The following AGTR1 variants were observed in gnomAD, a reference collection of about 807,000 sequenced individuals.
AGTR1 encodes the protein angiotensin II receptor type 1.
In AGTR1, 16 loss-of-function variants were observed where a neutral mutation model predicts 19.4. The observed-to-expected ratio is 0.82, with a 90% confidence interval of 0.56 to 1.25. The LOEUF (loss-of-function observed/expected upper bound fraction) is 1.25. Among genes scored for constraint, AGTR1 ranks in the 50% most tolerant of loss-of-function variants. The probability of loss-of-function intolerance (pLI) is 0.00; values close to 1 mark genes in which losing one functional copy is unlikely to be tolerated. For synonymous variants in AGTR1, 153 were observed against 154.9 expected (o/e 0.99, Z 0.09); for missense variants, 373 against 431.9 (o/e 0.86, Z 1.21).
At chr3:148,738,045 T>C (rs1163751614) in intron 2 of AGTR1, among the ~76,000 whole-genome samples, 2 of 152,148 alleles carry the variant, frequency 1.3e-5, no homozygotes, top group African/African-American at 4.8e-5. Context: ...CCACAGAAAT[T>C]GTATTATGAA....
chr3:148,706,037 T>C (rs1310653915), intron 1 of AGTR1, among the ~76,000 whole-genome samples: 2 of 152,022 alleles, frequency 1.3e-5, no homozygotes, highest in African/African-American at 4.8e-5. Context: ...TCTTTCTTTC[T>C]TTTGTATGTA....
intron 2 of AGTR1, among the ~76,000 whole-genome samples, chr3:148,715,439 CAAGGAA>C (rs1713242152): frequency 6.6e-6 from 1 of 152,078 alleles, no homozygotes; most frequent in Non-Finnish European, 1.5e-5. Context: ...AGATGGGAGC[CAAGGAA>C]AAGACAAGCA....
intron 2 of AGTR1, among the ~76,000 whole-genome samples, chr3:148,738,267 A>G (rs1177557803): frequency 1.3e-5 from 2 of 152,062 alleles, no homozygotes; most frequent in Admixed American, 1.3e-4. Flanking sequence ...CTTATTCCCA[A>G]GCTGAACCAA....
chr3:148,709,266 A>G (rs891075837), intron 2 of AGTR1, among the ~76,000 whole-genome samples: 1 of 152,152 alleles, frequency 6.6e-6, no homozygotes, highest in Admixed American at 6.6e-5. Context: ...TTACATCTTA[A>G]AAGTATTGAA....
At chr3:148,720,982 T>C (rs543616333) in intron 2 of AGTR1, among the ~76,000 whole-genome samples, 3 of 152,236 alleles carry the variant, frequency 2.0e-5, no homozygotes, top group Non-Finnish European at 4.4e-5. Flanking sequence ...TTGGTGGTGC[T>C]ATAATCCTGT....
chr3:148,701,613 A>G (rs1712345618), intron 1 of AGTR1, among the ~76,000 whole-genome samples: 1 of 152,198 alleles, frequency 6.6e-6, no homozygotes, highest in African/African-American at 2.4e-5. Flanking sequence ...TCTCTCAGTG[A>G]TTATCAGTCT....
In AGTR1 at chr3:148,706,251, G is replaced by A. The variant is rs1425567453; in HGVS notation, c.-131-1693G>A. ...GTGGTACACTAGTGTCTCACAAAGA[G>A]TCCACAGAATTCACACGGTCATGAT... On this transcript the variant is annotated intron_variant, in intron 1 of 2. Transcript: ENST00000349243. Among the ~76,000 whole-genome samples, 3 of 151,862 alleles carry A rather than the reference G, an allele frequency of 2.0e-5. No individual in the cohort carries two copies. The East Asian group carries it at 5.8e-4, about 29-fold the overall frequency.
At chr3:148,727,952 G>T (rs62276482) in intron 2 of AGTR1, among the ~76,000 whole-genome samples, 36 of 152,176 alleles carry the variant, frequency 2.4e-4, no homozygotes, top group African/African-American at 8.4e-4. Flanking sequence ...ACTGTCCCAC[G>T]CATTGTAAAA....
rs776269256 is a variant in AGTR1 at position 148,741,727 on chromosome 3, A to C, written c.692A>C (p.Asn231Thr). 1.9e-6 allele frequency: 3 copies of C among 1,613,926 alleles called. No individual in the cohort carries two copies. The highest frequency in any genetic ancestry group is 2.5e-6 in the Non-Finnish European group (3 of 1,180,000). Residue 231 changes from asparagine (N) to threonine (T), a missense_variant, in exon 3 of 3, where the codon AAC becomes ACC. Coordinates refer to ENST00000349243, the MANE Select transcript of AGTR1 (RefSeq NM_000685.5). ...AAGAAGGCTTATGAAATTCAGAAGAACAAACCAAGAAATGATGATATTTTT... is the reference window on the plus strand; with the variant it reads ...AAGAAGGCTTATGAAATTCAGAAGACCAAACCAAGAAATGATGATATTTTT... ...ALKKAYEIQK[N>T]KPRNDDIFKI...
chr3:148,712,240 T>A (rs146592088), intron 2 of AGTR1, among the ~76,000 whole-genome samples: 273 of 152,220 alleles, frequency 1.8e-3, no homozygotes, highest in African/African-American at 5.9e-3. Flanking sequence ...CCCAGAAAGA[T>A]CTAGTATATC....
intron 1 of AGTR1, among the ~76,000 whole-genome samples, chr3:148,703,030 G>T (rs1000624822): frequency 1.3e-5 from 2 of 152,088 alleles, no homozygotes; most frequent in African/African-American, 4.8e-5. Context: ...GTGGAGAAAA[G>T]AGTAAGGAAA....
intron 2 of AGTR1, chr3:148,729,981 ATAAAT>A (rs983305841): frequency 2.2e-5 from 7 of 324,088 alleles, no homozygotes; most frequent in East Asian, 4.6e-5. Context: ...AGGGAAAAAA[ATAAAT>A]TAAATTAGCC....
chr3:148,724,146 T>C (rs921887531), intron 2 of AGTR1, among the ~76,000 whole-genome samples: 1 of 152,132 alleles, frequency 6.6e-6, no homozygotes, highest in Non-Finnish European at 1.5e-5. Flanking sequence ...TTAGCTGTTT[T>C]CCCCCACCTC....
intron 2 of AGTR1, among the ~76,000 whole-genome samples, chr3:148,735,018 A>C (rs931832551): frequency 1.1e-4 from 17 of 152,198 alleles, no homozygotes; most frequent in African/African-American, 3.9e-4. Flanking sequence ...GCTCTGAATA[A>C]AAGTTAAGAC....
intron 2 of AGTR1, among the ~76,000 whole-genome samples, chr3:148,719,347 T>C (rs1197168040): frequency 6.6e-6 from 1 of 152,214 alleles, no homozygotes; most frequent in Admixed American, 6.5e-5. Context: ...CCCATCCTTT[T>C]AGATGTTCCT....
chr3:148,706,052 C>T (rs1712650522), intron 1 of AGTR1, among the ~76,000 whole-genome samples: 1 of 151,788 alleles, frequency 6.6e-6, no homozygotes, highest in Admixed American at 6.6e-5. Context: ...TATGTACCTA[C>T]AAAATTTTCT....
intron 2 of AGTR1, among the ~76,000 whole-genome samples, chr3:148,727,114 T>C (rs1713992505): frequency 2.0e-5 from 3 of 152,352 alleles, no homozygotes; most frequent in Admixed American, 2.0e-4. Context: ...TCCATGCCTT[T>C]ATTAGTCAGA....
chr3:148,720,433 A>C (rs572508294), intron 2 of AGTR1, among the ~76,000 whole-genome samples: 1 of 152,318 alleles, frequency 6.6e-6, no homozygotes, highest in South Asian at 2.1e-4. Flanking sequence ...TTTAGAACTT[A>C]TGTCGTGGGG....
At chr3:148,714,809 C>T (rs1013624263) in intron 2 of AGTR1, among the ~76,000 whole-genome samples, 1 of 152,112 alleles carries the variant, frequency 6.6e-6, no homozygotes, top group African/African-American at 2.4e-5. Flanking sequence ...TTTTGGTATA[C>T]TTCAAATATG....
Sources: gnomAD v4.1 joint callset for allele counts (sites outside exome capture counted in the v4.1 genomes callset) on GRCh38, gnomAD v4.1.1 for gene constraint, MANE v1.5 for transcripts, NCBI Gene and HGNC (gene_info 2026-07-23, HGNC 2026-07-21) for gene names.